The following PLBD1 variants were observed in gnomAD, a reference collection of about 807,000 sequenced individuals.
PLBD1 encodes the protein lysosomal leucine aminopeptidase.
PLBD1 carries 60 observed loss-of-function variants against 63.0 expected under a neutral mutation model. That is an observed-to-expected ratio of 0.95 (90% CI 0.77 to 1.18). The LOEUF is 1.18. PLBD1 is among the 50% of genes most tolerant of loss of function. PLBD1 has a pLI of 0.00. For missense variants in PLBD1, 598 were observed against 677.9 expected (o/e 0.88, Z 1.31); for synonymous variants, 262 against 248.0 (o/e 1.06, Z -0.53).
At position 14,506,160 on chromosome 12, in the gene PLBD1, A is replaced by G. The variant is rs1390822549; in HGVS notation, c.1479+2T>C. The G allele has an allele frequency of 3.5e-5, 55 of 1,593,262 alleles. No homozygotes were observed. Among genetic ancestry groups the G allele is most frequent in the Non-Finnish European group, 4.6e-5 (54 of 1,164,348 alleles). ...TAAATTCAAAAGCCAATAGCATGTT[A>G]CCTTTGTGTCATAACAACCTCCAGG... On this transcript the variant is annotated splice_donor_variant, in intron 10 of 10. Coordinates refer to ENST00000240617, the MANE Select transcript of PLBD1 (RefSeq NM_024829.6). LOFTEE classifies it high-confidence loss of function.
chr12:14,503,691 A>G lies in PLBD1; in HGVS notation c.*81T>C. 2.3e-6 allele frequency: 3 copies of G among 1,323,644 alleles called. No individual in the cohort carries two copies. The South Asian group carries it at 4.2e-5, about 18-fold the overall frequency. 82.0% of individuals were successfully genotyped at this position (1,323,644 alleles called of 1,614,324 possible). A position where few individuals can be genotyped will look rare whatever the true frequency, so the allele number is the denominator to read the frequency against. On this transcript the variant is annotated 3_prime_UTR_variant, in exon 11 of 11. Coordinates refer to ENST00000240617, the MANE Select transcript of PLBD1 (RefSeq NM_024829.6). ...GTGACAAATTAATATATTTTATTGC[A>G]TAATTCTGATGGGAAAAACATAGCT...
intron 6 of PLBD1, among the ~76,000 whole-genome samples, chr12:14,534,233 C>A (rs1169428772): frequency 6.6e-6 from 1 of 152,092 alleles, no homozygotes; most frequent in Non-Finnish European, 1.5e-5. Context: ...GTATAACCAC[C>A]CCATAAGTTA....
intron 8 of PLBD1, among the ~76,000 whole-genome samples, chr12:14,507,674 A>G (rs1945266453): frequency 6.6e-6 from 1 of 152,122 alleles, no homozygotes; most frequent in Non-Finnish European, 1.5e-5. Context: ...AAAGACGTCA[A>G]TGGGGAGGGA....
chr12:14,511,160 A>AC, intron 8 of PLBD1, 100 bp downstream of exon 8: 1 of 1,067,362 alleles, frequency 9.4e-7, no homozygotes. Context: ...TCCCCACCAT[A>AC]CCCTCCCCCA....
rs185165519 is a variant in PLBD1, at chr12:14,541,690, C to G, written c.419+518G>C. Among the ~76,000 whole-genome samples, 77 of 152,274 alleles carry G rather than the reference C, an allele frequency of 5.1e-4. 1 individual carries two copies. Among genetic ancestry groups the G allele is most frequent in the Admixed American group, 4.0e-3 (61 of 15,294 alleles). ...AGGGCCAACCCAAGAGCCTTTCTGT[C>G]CCCAAATTAATCTCCTGTCATCCCA... On this transcript the variant is annotated intron_variant, in intron 3 of 10. Transcript: ENST00000240617.
At chr12:14,553,531 TG>T (rs1173608519) in intron 1 of PLBD1, 119 bp from the exon 2 acceptor site, 9 of 827,394 alleles carry the variant, frequency 1.1e-5, no homozygotes, top group African/African-American at 1.7e-5. Context: ...CTATTAGAAT[TG>T]GGAAATCTGC....
intron 6 of PLBD1, among the ~76,000 whole-genome samples, chr12:14,523,338 G>A (rs1945391451): frequency 6.6e-6 from 1 of 151,904 alleles, no homozygotes; most frequent in Non-Finnish European, 1.5e-5. Context: ...GAAATGAAGA[G>A]GATACAAATG....
At chr12:14,523,312 T>C (rs1945391371) in intron 6 of PLBD1, among the ~76,000 whole-genome samples, 1 of 152,012 alleles carries the variant, frequency 6.6e-6, no homozygotes, top group South Asian at 2.1e-4. Flanking sequence ...ATGAAACCTA[T>C]AAAATATTGA....
chr12:14,532,444 G>C (rs1271432012), intron 6 of PLBD1, among the ~76,000 whole-genome samples: 1 of 152,150 alleles, frequency 6.6e-6, no homozygotes, highest in Non-Finnish European at 1.5e-5. Flanking sequence ...GAAACCCGAG[G>C]GTAAGAGGTG....
At chr12:14,561,169 C>T (rs950357535) in intron 1 of PLBD1, among the ~76,000 whole-genome samples, 4 of 150,244 alleles carry the variant, frequency 2.7e-5, no homozygotes, top group African/African-American at 9.8e-5. Flanking sequence ...GCAGGACACA[C>T]TAGATAAGTA....
chr12:14,564,427 G>C (rs1038059522), intron 1 of PLBD1, among the ~76,000 whole-genome samples: 1 of 152,210 alleles, frequency 6.6e-6, no homozygotes, highest in Non-Finnish European at 1.5e-5. Flanking sequence ...AGCAATGCTA[G>C]GCAAGCACCA....
At chr12:14,541,720 T>C (rs1431088220) in intron 3 of PLBD1, among the ~76,000 whole-genome samples, 2 of 152,212 alleles carry the variant, frequency 1.3e-5, no homozygotes, top group Non-Finnish European at 2.9e-5. Context: ...ATCCCACAAA[T>C]GTAAACACAT....
intron 2 of PLBD1, among the ~76,000 whole-genome samples, chr12:14,545,998 A>G (rs527417097): frequency 3.9e-5 from 6 of 152,316 alleles, no homozygotes; most frequent in Non-Finnish European, 7.4e-5. Context: ...CAAGAAAGGG[A>G]TCCTCTGTCC....
intron 1 of PLBD1, among the ~76,000 whole-genome samples, chr12:14,565,702 A>C (rs2136937625): frequency 6.6e-6 from 1 of 152,290 alleles, no homozygotes; most frequent in East Asian, 1.9e-4. Flanking sequence ...GGCTAGTAGA[A>C]GGGTAAAGAC....
rs77191653 is a variant in PLBD1 at position 14,508,250 on chromosome 12, A to G, written c.1187-1132T>C. Among the ~76,000 whole-genome samples the G allele has an allele frequency of 8.9e-3, 1,349 of 152,350 alleles. 19 individuals are homozygous for G. Among genetic ancestry groups the G allele is most frequent in the African/African-American group, 0.03 (1,259 of 41,582 alleles). Reference sequence around the variant, plus strand: ...TTATTAGGTATGTGACCTTGAACAAATTGCTTATCCCCTTTGTGCCTCAGT... The same window carrying G: ...TTATTAGGTATGTGACCTTGAACAAGTTGCTTATCCCCTTTGTGCCTCAGT... On this transcript the variant is annotated intron_variant, in intron 8 of 10. Transcript: ENST00000240617.
intron 8 of PLBD1, among the ~76,000 whole-genome samples, chr12:14,509,637 C>G (rs1306729092): frequency 6.6e-6 from 1 of 152,178 alleles, no homozygotes; most frequent in Non-Finnish European, 1.5e-5. Flanking sequence ...CTCTAGGCAT[C>G]ATTACAAAGT....
chr12:14,567,619 C>CT lies in PLBD1; in HGVS notation c.77_78insA (p.Leu27AlafsTer25), dbSNP rs1219166053. 120 of 1,349,040 alleles carry CT rather than the reference C, an allele frequency of 8.9e-5. 1 individual carries two copies. The highest frequency in any genetic ancestry group is 1.6e-4 in the East Asian group (5 of 31,794). The allele number at this position is 1,349,040 out of a possible 1,614,324, so 83.6% of individuals were successfully genotyped here. On this transcript the variant is annotated frameshift_variant, in exon 1 of 11. Coordinates refer to ENST00000240617, the MANE Select transcript of PLBD1 (RefSeq NM_024829.6). LOFTEE classifies it high-confidence loss of function. ...GCGGCTCCGCGGTGACTAACAACAG[C>CT]GGCAGCAGCAGCAGCAGCAGCAGAA...
rs1405087169 is a variant in PLBD1 at position 14,535,743 on chromosome 12, T to C, written c.760A>G (p.Met254Val). The change falls in exon 6 of 11, where the codon ATG becomes GTG. Residue 254 changes from methionine to valine, a missense_variant. Met to Val is a conservative substitution (Grantham distance 21). Coordinates refer to ENST00000240617, the MANE Select transcript of PLBD1 (RefSeq NM_024829.6). ...AHSSWYTYAA[M>V]LRIYKHWDFN... is the part of the protein sequence containing the mutation. ...TCCCAGTGTTTATATATCCTGAGCA[T>C]GGCTGCATACGTGTACCAGCTTGAG... The C allele has an allele frequency of 1.2e-6, 2 of 1,613,954 alleles. No individual in the cohort carries two copies. The highest frequency in any genetic ancestry group is 1.3e-5 in the African/African-American group (1 of 74,944).
chr12:14,535,367 T>C (rs1351522359), intron 6 of PLBD1, among the ~76,000 whole-genome samples: 1 of 152,014 alleles, frequency 6.6e-6, no homozygotes, highest in Non-Finnish European at 1.5e-5. Flanking sequence ...TAGCAAAGAG[T>C]CTTGTACTTG....
Sources: allele counts gnomAD v4.1 joint callset (sites outside exome capture counted in the v4.1 genomes callset), GRCh38; gene constraint gnomAD v4.1.1; transcripts MANE v1.5; gene names NCBI Gene and HGNC (gene_info 2026-07-23, HGNC 2026-07-21).